Variants in CDYL2 observed in about 807,000 individuals in gnomAD.
CDYL2 encodes the protein chromodomain Y-like protein 2.
A neutral mutation model predicts 49.4 loss-of-function variants in CDYL2; 23 were observed. The observed-to-expected ratio is 0.47, with a 90% CI of 0.34 to 0.66. The LOEUF is 0.66. Ranked by LOEUF, CDYL2 falls within the 30% of genes least tolerant of loss-of-function variation. The pLI, the probability that CDYL2 is intolerant of heterozygous loss-of-function variation, is 0.01. For synonymous variants in CDYL2, 360 were observed against 268.8 expected, an observed-to-expected ratio of 1.34 and a Z score of -3.32; for missense variants, 678 against 656.4, an observed-to-expected ratio of 1.03 and a Z score of -0.36.
At chr16:80,620,052 C>A (rs1040294080) in intron 4 of CDYL2, among the ~76,000 whole-genome samples, 1 of 152,186 alleles carries the variant, frequency 6.6e-6, no homozygotes, top group African/African-American at 2.4e-5. Flanking sequence ...GATTCCTAAG[C>A]AAGATACAGC....
chr16:80,797,260 T>A (rs1353905129), intron 1 of CDYL2, among the ~76,000 whole-genome samples: 2 of 152,192 alleles, frequency 1.3e-5, no homozygotes, highest in Admixed American at 1.3e-4. Flanking sequence ...AAACTCACTG[T>A]CCTTTCCACT....
intron 2 of CDYL2, among the ~76,000 whole-genome samples, chr16:80,643,520 C>A (rs113568552): frequency 6.6e-6 from 1 of 152,368 alleles, no homozygotes; most frequent in East Asian, 1.9e-4. Flanking sequence ...CTTCTGCACG[C>A]CTTAGCAGAG....
chr16:80,723,508 G>A (rs1260795357), intron 1 of CDYL2, among the ~76,000 whole-genome samples: 1 of 152,106 alleles, frequency 6.6e-6, no homozygotes, highest in African/African-American at 2.4e-5. Context: ...CCTCACCCAA[G>A]AGCCACCACA....
intron 1 of CDYL2, among the ~76,000 whole-genome samples, chr16:80,772,062 G>A (rs897039737): frequency 6.6e-6 from 1 of 152,118 alleles, no homozygotes; most frequent in African/African-American, 2.4e-5. Context: ...CAAACACCAT[G>A]GCAGCCAGAA....
At chr16:80,721,468 T>G (rs1904996037) in intron 1 of CDYL2, among the ~76,000 whole-genome samples, 1 of 152,170 alleles carries the variant, frequency 6.6e-6, no homozygotes, top group African/African-American at 2.4e-5. Context: ...AGTCCTTCCA[T>G]CAGTGACTAT....
At chr16:80,699,147 C>T (rs1904288477) in intron 1 of CDYL2, among the ~76,000 whole-genome samples, 1 of 152,110 alleles carries the variant, frequency 6.6e-6, no homozygotes, top group South Asian at 2.1e-4. Context: ...TTCAATAACC[C>T]ACTACTGGGT....
At position 80,616,149 on chromosome 16, in the gene CDYL2, G is replaced by C. The variant is rs187450627; in HGVS notation, c.1008-3313C>G. Among the ~76,000 whole-genome samples the C allele has an allele frequency of 3.9e-5, 6 of 152,338 alleles. No individual in the cohort carries two copies. In the East Asian group the frequency reaches 9.7e-4, roughly 25 times the overall value. ...ACAACTTCAGAATCTGAAAGACTCAGAGTGAAGTCTCAGTTCTGCCCCTAA... is the reference window on the plus strand; with the variant it reads ...ACAACTTCAGAATCTGAAAGACTCACAGTGAAGTCTCAGTTCTGCCCCTAA... On this transcript the variant is annotated intron_variant, in intron 4 of 6. Coordinates refer to ENST00000570137, the MANE Select transcript of CDYL2 (RefSeq NM_152342.4).
At chr16:80,791,309 T>A (rs1820213) in intron 1 of CDYL2, among the ~76,000 whole-genome samples, 1 of 152,144 alleles carries the variant, frequency 6.6e-6, no homozygotes, top group East Asian at 1.9e-4. Flanking sequence ...ATATCTGAGA[T>A]GATTCCAACT....
chr16:80,770,758 T>A (rs1045901714), intron 1 of CDYL2, among the ~76,000 whole-genome samples: 1 of 152,196 alleles, frequency 6.6e-6, no homozygotes, highest in Admixed American at 6.5e-5. Context: ...CAGAAAAATA[T>A]ACAAAATCCT....
intron 1 of CDYL2, among the ~76,000 whole-genome samples, chr16:80,686,329 T>C (rs944912662): frequency 6.6e-6 from 1 of 152,236 alleles, no homozygotes; most frequent in African/African-American, 2.4e-5. Flanking sequence ...CTTGAAACTT[T>C]TTCAATTAAA....
chr16:80,614,213 G>A (rs1456371726), intron 4 of CDYL2, among the ~76,000 whole-genome samples: 2 of 152,176 alleles, frequency 1.3e-5, no homozygotes. Context: ...CACCAAACCT[G>A]TTTTCCCTCT....
At chr16:80,718,931 A>G (rs1904904176) in intron 1 of CDYL2, among the ~76,000 whole-genome samples, 1 of 152,218 alleles carries the variant, frequency 6.6e-6, no homozygotes, top group Non-Finnish European at 1.5e-5. Context: ...GGATCCAGAG[A>G]GCAGAACCAG....
At position 80,804,121 on chromosome 16, in the gene CDYL2, G is replaced by C. The variant is rs759332777; in HGVS notation, c.24+29C>G. The C allele has an allele frequency of 1.2e-4, 135 of 1,141,484 alleles. 1 individual carries two copies. Among genetic ancestry groups the C allele is most frequent in the Non-Finnish European group, 1.4e-4 (130 of 905,980 alleles). The allele number at this position is 1,141,484 out of a possible 1,614,324, so 70.7% of individuals were successfully genotyped here. ...CCGCCCGCCGCCGCCCGCTGACTGG[G>C]GCCGGCCCGCGCCCCCGCGTCCCCG... On this transcript the variant is annotated intron_variant, in intron 1 of 6. Transcript: ENST00000570137.
intron 1 of CDYL2, among the ~76,000 whole-genome samples, chr16:80,800,478 C>T (rs977478846): frequency 4.6e-5 from 7 of 152,050 alleles, no homozygotes; most frequent in African/African-American, 1.7e-4. Context: ...CTTAGTGGTG[C>T]GTGATTTTGC....
chr16:80,651,865 G>C (rs1461820159), intron 2 of CDYL2, among the ~76,000 whole-genome samples: 1 of 152,198 alleles, frequency 6.6e-6, no homozygotes, highest in African/African-American at 2.4e-5. Context: ...TACTGGAATT[G>C]AATGATTAAG....
chr16:80,804,671 G>A (rs996207699), upstream of CDYL2, among the ~76,000 whole-genome samples: 79 of 146,284 alleles, frequency 5.4e-4, no homozygotes, highest in African/African-American at 1.9e-3. Context: ...GCCCGGCCGC[G>A]CCCCGGGGGA....
At chr16:80,615,326 G>A (rs997993675) in intron 4 of CDYL2, among the ~76,000 whole-genome samples, 1 of 152,124 alleles carries the variant, frequency 6.6e-6, no homozygotes, top group Non-Finnish European at 1.5e-5. Flanking sequence ...CTTTTTTGGA[G>A]AATCCTTAGG....
intron 1 of CDYL2, among the ~76,000 whole-genome samples, chr16:80,710,195 G>A (rs939010088): frequency 6.6e-6 from 1 of 152,104 alleles, no homozygotes; most frequent in African/African-American, 2.4e-5. Flanking sequence ...CCAAAGCACT[G>A]GGATTACAGG....
chr16:80,693,276 T>A (rs1345891393), intron 1 of CDYL2, among the ~76,000 whole-genome samples: 1 of 152,066 alleles, frequency 6.6e-6, no homozygotes, highest in Non-Finnish European at 1.5e-5. Context: ...TAATCATAAA[T>A]AAGTTATACC....
Sources: gnomAD v4.1 joint callset for allele counts (sites outside exome capture counted in the v4.1 genomes callset) on GRCh38, gnomAD v4.1.1 for gene constraint, MANE v1.5 for transcripts, NCBI Gene and HGNC (gene_info 2026-07-23, HGNC 2026-07-21) for gene names.